NFKB1: variants seen among roughly 807,000 people sequenced by gnomAD.
NFKB1 encodes nuclear factor NF-kappa-B p105 subunit.
In NFKB1, 9 loss-of-function variants were observed where a neutral mutation model predicts 105.1. The ratio of observed to expected loss-of-function variants is 0.09; its 90% confidence interval spans 0.05 to 0.15. The LOEUF (loss-of-function observed/expected upper bound fraction) is 0.15, where lower values mean the gene tolerates loss of function less well. NFKB1 is among the 10% of genes least tolerant of loss of function. The pLI is 1.00. For synonymous variants in NFKB1, 440 were observed against 442.2 expected (o/e 1.00, Z 0.06); for missense variants, 830 against 1,203.7 (o/e 0.69, Z 4.59).
At chr4:102,540,148 T>G (rs896091871) in intron 5 of NFKB1, among the ~76,000 whole-genome samples, 1 of 152,216 alleles carries the variant, frequency 6.6e-6, no homozygotes, top group Admixed American at 6.5e-5. Flanking sequence ...GGGAGTTTTT[T>G]CTGACTGGCT....
intron 5 of NFKB1, among the ~76,000 whole-genome samples, chr4:102,556,170 A>G (rs1004593506): frequency 2.0e-5 from 3 of 152,162 alleles, no homozygotes; most frequent in African/African-American, 7.2e-5. Flanking sequence ...TTGTATTTCC[A>G]TTTCCAGGAG....
intron 19 of NFKB1, among the ~76,000 whole-genome samples, chr4:102,609,433 G>A (rs980718204): frequency 6.6e-6 from 1 of 151,666 alleles, no homozygotes; most frequent in Non-Finnish European, 1.5e-5. Context: ...CCAACATGAC[G>A]AAACCCCATC....
At chr4:102,556,395 G>C (rs563778253) in intron 5 of NFKB1, among the ~76,000 whole-genome samples, 1 of 152,274 alleles carries the variant, frequency 6.6e-6, no homozygotes, top group South Asian at 2.1e-4. Flanking sequence ...GAGTGATCAC[G>C]ATAAAGGTGA....
chr4:102,521,707 C>G (rs547060785), intron 1 of NFKB1, among the ~76,000 whole-genome samples: 1 of 152,246 alleles, frequency 6.6e-6, no homozygotes, highest in Non-Finnish European at 1.5e-5. Context: ...CTGTGGCTTT[C>G]AAGTTAATCC....
In NFKB1 at chr4:102,535,102, A is replaced by C. The variant is rs17032763; in HGVS notation, c.159+1217A>C. Reference sequence around the variant, plus strand: ...AGTAACACTCCATTGCTCTACCTCCATGTTCAACTCTTTTAAGCAGTTATT... The same window carrying C: ...AGTAACACTCCATTGCTCTACCTCCCTGTTCAACTCTTTTAAGCAGTTATT... On this transcript the variant is annotated intron_variant, in intron 4 of 23. Coordinates refer to ENST00000226574, the MANE Select transcript of NFKB1 (RefSeq NM_003998.4). 3.6e-3 allele frequency among the ~76,000 whole-genome samples: 547 copies of C among 152,160 alleles called. 4 individuals carry two copies. The highest frequency in any genetic ancestry group is 0.013 in the African/African-American group (534 of 41,524).
chr4:102,607,520 A>G (rs972475277), intron 18 of NFKB1, 129 bp from the exon 19 acceptor site: 5 of 1,171,694 alleles, frequency 4.3e-6, no homozygotes, highest in East Asian at 4.7e-5. Context: ...GATTTCTTCA[A>G]TGACAGAGCC....
intron 5 of NFKB1, among the ~76,000 whole-genome samples, chr4:102,539,091 G>T (rs1371960663): frequency 4.6e-5 from 7 of 151,978 alleles, no homozygotes; most frequent in Non-Finnish European, 1.0e-4. Context: ...ACAAAAATTA[G>T]CTGGGTGTGG....
Position 102,612,447 on chromosome 4 carries a change from G to C in NFKB1, c.2433G>C (p.Gln811His). The stretch of plus-strand genomic sequence containing the variant: ...CATTTCCTTCAGGAGACATGAAACA[G>C]CTGGCTGAAGATGTGAAGCTGCAGC... Reference protein sequence around the residue: ...DDLLAQGDMKQLAEDVKLQLY... With the variant: ...DDLLAQGDMKHLAEDVKLQLY... Residue 811 changes from glutamine to histidine, a missense_variant, in exon 22 of 24, where the codon CAG (glutamine) becomes CAC (histidine). By Grantham distance (24) the Gln-to-His change is conservative. Coordinates refer to ENST00000226574, the MANE Select transcript of NFKB1 (RefSeq NM_003998.4). 1 of 1,612,868 alleles carries C rather than the reference G, an allele frequency of 6.2e-7. No homozygotes were observed. Among genetic ancestry groups the C allele is most frequent in the Non-Finnish European group, 8.5e-7 (1 of 1,179,982 alleles).
At chr4:102,551,380 G>GCGCGCA (rs1553931321) in intron 5 of NFKB1, among the ~76,000 whole-genome samples, 138 of 151,280 alleles carry the variant, frequency 9.1e-4, no homozygotes, top group Non-Finnish European at 1.5e-3. Flanking sequence ...GCGCGCGCAT[G>GCGCGCA]TGTGTGTGTG....
chr4:102,510,093 C>T (rs760957178), intron 1 of NFKB1, among the ~76,000 whole-genome samples: 36 of 152,164 alleles, frequency 2.4e-4, no homozygotes, highest in Non-Finnish European at 4.9e-4. Context: ...AGTGCCTTTT[C>T]TTTCCTAGCC....
chr4:102,540,520 A>G (rs950044274), intron 5 of NFKB1, among the ~76,000 whole-genome samples: 7 of 151,994 alleles, frequency 4.6e-5, no homozygotes, highest in Admixed American at 4.6e-4. Flanking sequence ...CTACAGTCAC[A>G]TTATTTCACC....
chr4:102,583,273 A>G (rs1725456763), intron 10 of NFKB1, among the ~76,000 whole-genome samples: 1 of 152,194 alleles, frequency 6.6e-6, no homozygotes, highest in Non-Finnish European at 1.5e-5. Context: ...GGCATGATCC[A>G]TATTACTATC....
At chr4:102,543,604 T>TAA (rs768927474) in intron 5 of NFKB1, among the ~76,000 whole-genome samples, 6 of 133,274 alleles carry the variant, frequency 4.5e-5, no homozygotes, top group Non-Finnish European at 4.9e-5. Context: ...ACTACTGATT[T>TAA]AAAAAAAAAA....
chr4:102,598,283 T>TA (rs958247509), intron 15 of NFKB1, among the ~76,000 whole-genome samples: 7 of 152,212 alleles, frequency 4.6e-5, no homozygotes, highest in Non-Finnish European at 8.8e-5. Flanking sequence ...GGCTTCTTTC[T>TA]AAAACAGTTC....
At position 102,501,481 on chromosome 4, in the gene NFKB1, C is replaced by T. The variant is rs1739008641; in HGVS notation, c.-315C>T. On this transcript the variant is annotated 5_prime_UTR_variant, in exon 1 of 24. Transcript: ENST00000226574. ...GCCGCCAGCCGCCGCAGCCCTCGGC[C>T]TGCACGCAGCCACCGGCCCCGCTCC... 6.7e-6 allele frequency: 1 copy of T among 150,244 alleles called. No individual in the cohort carries two copies. Among genetic ancestry groups the T allele is most frequent in the Non-Finnish European group, 1.5e-5 (1 of 67,466 alleles). 9.3% of individuals were successfully genotyped at this position (150,244 alleles called of 1,614,324 possible). A position where few individuals can be genotyped will look rare whatever the true frequency, so the allele number is the denominator to read the frequency against.
chr4:102,580,411 T>C, intron 8 of NFKB1, 124 bp from the exon 9 acceptor site: 2 of 716,824 alleles, frequency 2.8e-6, no homozygotes, highest in Non-Finnish European at 4.9e-6. Context: ...TTTACTTTGT[T>C]AGTGAAAGCA....
At chr4:102,518,247 C>T (rs1276315839) in intron 1 of NFKB1, among the ~76,000 whole-genome samples, 3 of 152,136 alleles carry the variant, frequency 2.0e-5, no homozygotes, top group Admixed American at 2.0e-4. Context: ...AAAACATTAA[C>T]TTGTTTTAAA....
At chr4:102,582,837 A>T (rs1725420270) in intron 9 of NFKB1, 29 bp from the exon 10 acceptor site, 1 of 1,456,798 alleles carries the variant, frequency 6.9e-7, no homozygotes, top group Non-Finnish European at 9.6e-7. Context: ...ACTATGTGAA[A>T]TTACACACTT....
At chr4:102,606,914 G>T (rs545158332) in intron 17 of NFKB1, among the ~76,000 whole-genome samples, 2 of 152,324 alleles carry the variant, frequency 1.3e-5, no homozygotes, top group South Asian at 4.1e-4. Context: ...AGAGGCCTGA[G>T]TAAAGATTCA....
Sources: allele counts gnomAD v4.1 joint callset (sites outside exome capture counted in the v4.1 genomes callset), GRCh38; gene constraint gnomAD v4.1.1; transcripts MANE v1.5; gene names NCBI Gene and HGNC (gene_info 2026-07-23, HGNC 2026-07-21).